KIAA2012: variants seen among roughly 807,000 people sequenced by gnomAD.
The protein encoded by KIAA2012 is KIAA2012.
A neutral mutation model predicts 150.6 loss-of-function variants in KIAA2012; 125 were observed. That is an observed-to-expected ratio of 0.83 (90% confidence interval 0.72 to 0.96). The LOEUF is 0.96. Ranked by LOEUF, KIAA2012 falls within the 40% of genes least tolerant of loss-of-function variation. The probability of loss-of-function intolerance (pLI) is 0.00; values close to 1 mark genes in which losing one functional copy is unlikely to be tolerated. For synonymous variants in KIAA2012, 462 were observed against 504.7 expected, an observed-to-expected ratio of 0.92 and a Z score of 1.13; for missense variants, 1,219 against 1,354.9, an observed-to-expected ratio of 0.90 and a Z score of 1.57.
At chr2:202,115,797 G>A (rs1409788587) in intron 11 of KIAA2012, 1 of 150,520 alleles carries the variant, frequency 6.6e-6, no homozygotes, top group Non-Finnish European at 1.5e-5. Flanking sequence ...CGATCCATCT[G>A]ATCTTTCTGA....
intron 15 of KIAA2012, chr2:202,178,974 C>G (rs1574308564): frequency 3.6e-6 from 1 of 279,350 alleles, no homozygotes; most frequent in Admixed American, 5.0e-5. Flanking sequence ...AATGGGTGAA[C>G]TTTTTCTTTT....
At chr2:202,125,839 G>A (rs1042082909) in intron 12 of KIAA2012, 16 of 452,210 alleles carry the variant, frequency 3.5e-5, no homozygotes, top group Non-Finnish European at 5.8e-5. Context: ...CATGGCTGCT[G>A]CTGCTTCAGA....
rs569117421 is a variant in KIAA2012, at chr2:202,180,269, C to CAA, written c.2120-4466_2120-4465dup. ...CTAGGCCAAAAGAGTGAAACTCCTC[C>CAA]AAAAAAAAAAAAAAAAAAAGAATTG... On this transcript the variant is annotated intron_variant, in intron 15 of 23. Transcript: ENST00000498697. Among the ~76,000 whole-genome samples, 14 of 49,298 alleles carry CAA rather than the reference C, an allele frequency of 2.8e-4. 1 individual carries two copies. The highest frequency in any genetic ancestry group is 4.4e-4 in the African/African-American group (6 of 13,556). 32.3% of individuals were successfully genotyped at this position (49,298 alleles called of 152,430 possible). A position where few individuals can be genotyped will look rare whatever the true frequency, so the allele number is the denominator to read the frequency against.
At chr2:202,095,204 AT>A (rs1689836820) in intron 4 of KIAA2012, among the ~76,000 whole-genome samples, 1 of 152,208 alleles carries the variant, frequency 6.6e-6, no homozygotes, top group Non-Finnish European at 1.5e-5. Context: ...CCAAAAAAAA[AT>A]CTATTTTAAA....
At chr2:202,157,813 T>C (rs6435130) in intron 14 of KIAA2012, among the ~76,000 whole-genome samples, 107,533 of 152,004 alleles carry the variant, frequency 0.71, 39,045 homozygotes, top group African/African-American at 0.89. Context: ...TCAAAAACAC[T>C]GCCTATCATG....
At chr2:202,197,754 C>T (rs1308151795) in intron 22 of KIAA2012, 2 of 150,802 alleles carry the variant, frequency 1.3e-5, no homozygotes, top group African/African-American at 2.4e-5. Context: ...GTCCCAGCTA[C>T]ATGGGAGGCT....
At chr2:202,097,701 T>A (rs769241451) in intron 5 of KIAA2012, 124 bp downstream of exon 5, 13 of 1,106,856 alleles carry the variant, frequency 1.2e-5, no homozygotes, top group Non-Finnish European at 1.6e-5. Flanking sequence ...GCATTTCTCC[T>A]GCCTCAGCCT....
At chr2:202,134,695 C>T (rs576223011) in intron 12 of KIAA2012, among the ~76,000 whole-genome samples, 2 of 152,300 alleles carry the variant, frequency 1.3e-5, no homozygotes, top group African/African-American at 2.4e-5. Flanking sequence ...GCTGGGATTA[C>T]AGGCGCCCGC....
intron 11 of KIAA2012, chr2:202,115,888 G>A (rs1690507771): frequency 6.9e-6 from 1 of 145,370 alleles, no homozygotes; most frequent in Non-Finnish European, 1.5e-5. Flanking sequence ...AGACAGCATA[G>A]GGAAATGAAT....
At chr2:202,142,985 T>A (rs1691222406) in intron 13 of KIAA2012, among the ~76,000 whole-genome samples, 1 of 149,638 alleles carries the variant, frequency 6.7e-6, no homozygotes, top group Non-Finnish European at 1.5e-5. Flanking sequence ...AGCACAACCC[T>A]CCCCAGTTGT....
At position 202,202,447 on chromosome 2, in the gene KIAA2012, G is replaced by A. The variant is rs1217539695; in HGVS notation, c.3426G>A (p.Glu1142=). The change falls in exon 23 of 24, where the codon GAG becomes GAA. Residue 1142 remains glutamate, a synonymous_variant. Transcript: ENST00000498697. ...QEQARQKAAL[E]KHFHFYQELH... is the part of the protein sequence containing the mutation. ...TCCTTAGGCAAAAAGCTGCTTTGGA[G>A]AAACATTTTCATTTCTATCAAGAAC... 5.0e-6 allele frequency: 2 copies of A among 399,622 alleles called. No homozygotes were observed. Among genetic ancestry groups the A allele is most frequent in the Non-Finnish European group, 8.8e-6 (2 of 226,672 alleles). 24.8% of individuals were successfully genotyped at this position (399,622 alleles called of 1,614,324 possible).
At position 202,140,713 on chromosome 2, in the gene KIAA2012, A is replaced by G. The variant is rs1691181183; in HGVS notation, c.1908+2205A>G. 2.6e-5 allele frequency among the ~76,000 whole-genome samples: 4 copies of G among 152,344 alleles called. No individual in the cohort carries two copies. The South Asian group carries it at 8.3e-4, about 32-fold the overall frequency. On this transcript the variant is annotated intron_variant, in intron 13 of 23. Coordinates refer to ENST00000498697, the MANE Select transcript of KIAA2012 (RefSeq NM_001277372.4). The stretch of plus-strand genomic sequence containing the variant: ...GTTTATTATAAAGCATCTGGAACAC[A>G]TTTAGAACAAATTTCTGTCCAGCTG...
intron 1 of KIAA2012, 140 bp downstream of exon 1, chr2:202,073,851 C>T: frequency 1.5e-6 from 1 of 669,602 alleles, no homozygotes; most frequent in East Asian, 2.8e-5. Context: ...CTTCCTTCCT[C>T]CTTCATGAAA....
At chr2:202,099,347 A>C in intron 5 of KIAA2012, among the ~76,000 whole-genome samples, 1 of 152,112 alleles carries the variant, frequency 6.6e-6, no homozygotes, top group East Asian at 1.9e-4. Flanking sequence ...TTTGATTTTT[A>C]ATCAAAATCT....
At chr2:202,202,009 G>A in intron 22 of KIAA2012, 1 of 583,226 alleles carries the variant, frequency 1.7e-6, no homozygotes. Flanking sequence ...ACGCCTGAGT[G>A]GCGCTGCCGC....
At chr2:202,132,363 G>A (rs1002031138) in intron 12 of KIAA2012, among the ~76,000 whole-genome samples, 3 of 151,902 alleles carry the variant, frequency 2.0e-5, no homozygotes, top group Admixed American at 1.3e-4. Flanking sequence ...TTGAGAAGAA[G>A]TGACCAAAAA....
Position 202,179,626 on chromosome 2 carries a change from C to T in KIAA2012, c.2120-5127C>T, listed in dbSNP as rs1692075063. The T allele has an allele frequency of 1.1e-5, 7 of 658,394 alleles. No homozygotes were observed. In the East Asian group the frequency reaches 1.4e-4, roughly 13 times the overall value. The allele number at this position is 658,394 out of a possible 1,614,324, so 40.8% of individuals were successfully genotyped here. The stretch of plus-strand genomic sequence containing the variant: ...GCCCATTCCCACAGCTCAGCTAGTG[C>T]GGAGAGTAGCTTCTGTAATGCAAGA... On this transcript the variant is annotated intron_variant, in intron 15 of 23. Coordinates refer to ENST00000498697, the MANE Select transcript of KIAA2012 (RefSeq NM_001277372.4).
At chr2:202,098,073 G>A (rs1017596423) in intron 5 of KIAA2012, among the ~76,000 whole-genome samples, 17 of 152,256 alleles carry the variant, frequency 1.1e-4, no homozygotes, top group African/African-American at 4.1e-4. Context: ...ATTTAACAAA[G>A]TTTTGGCTGG....
intron 22 of KIAA2012, among the ~76,000 whole-genome samples, chr2:202,198,602 T>C (rs895679201): frequency 6.6e-6 from 1 of 152,204 alleles, no homozygotes; most frequent in Non-Finnish European, 1.5e-5. Flanking sequence ...AACTGAGGTA[T>C]GTATTTCAAT....
Sources: allele counts gnomAD v4.1 joint callset (sites outside exome capture counted in the v4.1 genomes callset), GRCh38; gene constraint gnomAD v4.1.1; transcripts MANE v1.5; gene names NCBI Gene and HGNC (gene_info 2026-07-23, HGNC 2026-07-21).